RBKS: variants seen among roughly 807,000 people sequenced by gnomAD.
The protein encoded by RBKS is ribokinase.
A neutral mutation model predicts 33.9 loss-of-function variants in RBKS; 33 were observed. The ratio of observed to expected loss-of-function variants is 0.97; its 90% CI spans 0.74 to 1.30. The LOEUF is 1.30. Among genes scored for constraint, RBKS ranks in the 50% most tolerant of loss-of-function variants. The pLI is 0.00. For synonymous variants in RBKS, 125 were observed against 143.0 expected, an observed-to-expected ratio of 0.87 and a Z score of 0.90; for missense variants, 361 against 392.6, an observed-to-expected ratio of 0.92 and a Z score of 0.68.
chr2:27,880,617 C>T (rs750995670), intron 1 of RBKS, among the ~76,000 whole-genome samples: 5 of 152,144 alleles, frequency 3.3e-5, no homozygotes, highest in Non-Finnish European at 7.4e-5. Context: ...TTCCTATACA[C>T]CAAGAGTCAA....
chr2:27,858,364 A>G (rs1663901233), intron 2 of RBKS, 75 bp downstream of exon 2: 11 of 1,484,600 alleles, frequency 7.4e-6, no homozygotes, highest in Non-Finnish European at 1.0e-5. Flanking sequence ...GGTTGAAAAA[A>G]TTAAAAACAA....
Position 27,783,861 on chromosome 2 carries a change from T to C in RBKS, c.796-2073A>G, listed in dbSNP as rs189031770. ...GGTGGAGCTTGCAGTGAGCTGAGAT[T>C]GTGCCACTGCACTCCAGCCTGGGCG... On this transcript the variant is annotated intron_variant, in intron 7 of 7. Transcript: ENST00000302188. Among the ~76,000 whole-genome samples the C allele has an allele frequency of 2.7e-3, 380 of 139,812 alleles. 1 individual carries two copies. Among genetic ancestry groups the C allele is most frequent in the African/African-American group, 7.9e-3 (290 of 36,868 alleles). 91.7% of individuals were successfully genotyped at this position (139,812 alleles called of 152,430 possible).
In RBKS at chr2:27,843,071, A is replaced by G; in HGVS notation, c.510T>C (p.Ser170=). Residue 170 remains serine, a synonymous_variant, in exon 5 of 8, where the codon AGT becomes AGC. Coordinates refer to ENST00000302188, the MANE Select transcript of RBKS (RefSeq NM_022128.3). ...ATGACAAATATGTATAATTACCTCC[A>G]CTCCTGCGGGCCATTGTTAGGGCTT... ...SLEALTMARR[S]GVKTLFNPAP... is the part of the protein sequence containing the mutation. 6.3e-7 allele frequency: 1 copy of G among 1,577,120 alleles called. No homozygotes were observed. The highest frequency in any genetic ancestry group is 8.6e-7 in the Non-Finnish European group (1 of 1,161,834).
At position 27,796,873 on chromosome 2, in the gene RBKS, C is replaced by T. The variant is rs189965782; in HGVS notation, c.796-15085G>A. On this transcript the variant is annotated intron_variant, in intron 7 of 7. Coordinates refer to ENST00000302188, the MANE Select transcript of RBKS (RefSeq NM_022128.3). ...CTGGTTTCTTATTTCCCTTCCCCTC[C>T]GTTTCAGACAATCCTGTCTGTCCAT... Among the ~76,000 whole-genome samples, 174 of 152,292 alleles carry T rather than the reference C, an allele frequency of 1.1e-3. 2 individuals carry two copies. The East Asian group carries it at 0.025, about 21-fold the overall frequency.
intron 7 of RBKS, among the ~76,000 whole-genome samples, chr2:27,822,778 T>C (rs557159374): frequency 6.6e-6 from 1 of 152,312 alleles, no homozygotes; most frequent in African/African-American, 2.4e-5. Context: ...ATAGGAAAGA[T>C]AAATTCCCTG....
rs965028987 is a variant in RBKS, at chr2:27,795,896, G to A, written c.796-14108C>T. On this transcript the variant is annotated intron_variant, in intron 7 of 7. Coordinates refer to ENST00000302188, the MANE Select transcript of RBKS (RefSeq NM_022128.3). This position sits in a 1 kb window ranked among gnomAD's most constrained non-coding sequence, Gnocchi z 4.1. ...ACAAGCCTTCGCTCTGGGACAATCT[G>A]AACTCTCTTTAGGGCAGGGACTACT... is the stretch of plus-strand genomic sequence containing the variant. Among the ~76,000 whole-genome samples the A allele has an allele frequency of 1.2e-4, 18 of 152,178 alleles. No homozygotes were observed. The highest frequency in any genetic ancestry group is 4.1e-4 in the African/African-American group (17 of 41,422).
intron 5 of RBKS, among the ~76,000 whole-genome samples, chr2:27,840,335 C>G (rs1044316781): frequency 1.5e-5 from 2 of 133,200 alleles, no homozygotes; most frequent in African/African-American, 6.7e-5. Flanking sequence ...ATTACACACA[C>G]ACACACACAC....
At chr2:27,867,797 G>C (rs944745628) in intron 1 of RBKS, among the ~76,000 whole-genome samples, 18 of 152,118 alleles carry the variant, frequency 1.2e-4, no homozygotes, top group African/African-American at 4.3e-4. Context: ...TATGTATAGG[G>C]GATTAGGAAG....
intron 7 of RBKS, among the ~76,000 whole-genome samples, chr2:27,796,618 T>C (rs1419973205): frequency 6.6e-6 from 1 of 151,752 alleles, no homozygotes; most frequent in African/African-American, 2.4e-5. Context: ...ACAGGAAAAC[T>C]GGCCCCATGG....
rs1663657908 is a variant in RBKS, at chr2:27,848,084, G to T, written c.236C>A (p.Ser79Tyr). ...GTTTTCTATATAATCATTGCCAAAA[G>T]AATCTTTGCCAACCTGTACCAAAGA... Reference protein sequence around the residue: ...TSMVCKVGKDSFGNDYIENLK... With the variant: ...TSMVCKVGKDYFGNDYIENLK... Residue 79 changes from serine to tyrosine, a missense_variant, in exon 3 of 8, where the codon TCT becomes TAT. By Grantham distance (144) the Ser-to-Tyr change is moderately radical. Transcript: ENST00000302188. 6.7e-7 allele frequency: 1 copy of T among 1,500,880 alleles called. No individual in the cohort carries two copies. The highest frequency in any genetic ancestry group is 2.3e-5 in the East Asian group (1 of 43,976). The allele number at this position is 1,500,880 out of a possible 1,614,324, so 93.0% of individuals were successfully genotyped here.
chr2:27,821,040 CAAAA>C (rs59964452), intron 7 of RBKS, among the ~76,000 whole-genome samples: 6,403 of 68,168 alleles, frequency 0.094, 363 homozygotes, highest in African/African-American at 0.27. Context: ...AACTCCATCT[CAAAA>C]AAAAAAAAAA....
intron 5 of RBKS, among the ~76,000 whole-genome samples, chr2:27,840,894 T>C (rs72810531): frequency 0.015 from 2,354 of 152,246 alleles, 32 homozygotes; most frequent in South Asian, 0.054. Flanking sequence ...TGTCATAAGG[T>C]TTTTCTGAGG....
At chr2:27,793,237 G>A (rs1677571739) in intron 7 of RBKS, among the ~76,000 whole-genome samples, 1 of 152,182 alleles carries the variant, frequency 6.6e-6, no homozygotes. Flanking sequence ...AACAATCATA[G>A]TGCTGTCTGA....
intron 7 of RBKS, among the ~76,000 whole-genome samples, chr2:27,789,949 G>GTATATA (rs35109548): frequency 0.04 from 4,888 of 121,362 alleles, 175 homozygotes; most frequent in East Asian, 0.18. Flanking sequence ...ATGTATATGT[G>GTATATA]TATATATATA....
intron 5 of RBKS, among the ~76,000 whole-genome samples, chr2:27,833,235 T>C (rs950662985): frequency 2.6e-5 from 4 of 152,154 alleles, no homozygotes; most frequent in Admixed American, 2.0e-4. Context: ...AATGAAAGGT[T>C]CAGAATTCTC....
At chr2:27,805,018 A>G (rs552626560) in intron 7 of RBKS, among the ~76,000 whole-genome samples, 254 of 152,214 alleles carry the variant, frequency 1.7e-3, no homozygotes, top group Non-Finnish European at 3.1e-3. Flanking sequence ...GTCTTAAAAA[A>G]AAAAAAAAAT....
In RBKS at chr2:27,827,726, GC is replaced by G; in HGVS notation, c.635del (p.Gly212AlafsTer11). 1 of 1,606,560 alleles carries G rather than the reference GC, an allele frequency of 6.2e-7. No homozygotes were observed. The highest frequency in any genetic ancestry group is 8.5e-7 in the Non-Finnish European group (1 of 1,177,468). On this transcript the variant is annotated frameshift_variant, in exon 7 of 8. Transcript: ENST00000302188. LOFTEE classifies it high-confidence loss of function. Reference protein sequence around the residue: ...EAEILTGLTVGSAADAGEAAL... With the variant: ...EAEILTGLTVXSAADAGEAAL... Reference sequence around the variant, plus strand: ...CAGCCTCCCCAGCATCTGCAGCGCTGCCCACCGTGAGGCCAGTTAAAATCTC... The same window carrying G: ...CAGCCTCCCCAGCATCTGCAGCGCTGCCACCGTGAGGCCAGTTAAAATCTC...
At chr2:27,870,364 C>T (rs1157193751) in intron 1 of RBKS, 4 of 160,786 alleles carry the variant, frequency 2.5e-5, no homozygotes, top group African/African-American at 4.8e-5. Flanking sequence ...ACAAGGAAGC[C>T]AGGTTTGCAA....
At chr2:27,827,934 T>A (rs1678347283) in intron 6 of RBKS, among the ~76,000 whole-genome samples, 179 bp from the exon 7 acceptor site, 1 of 152,138 alleles carries the variant, frequency 6.6e-6, no homozygotes, top group African/African-American at 2.4e-5. Context: ...ACAAAAACCA[T>A]CAATGAAAGA....
Sources: allele counts gnomAD v4.1 joint callset (sites outside exome capture counted in the v4.1 genomes callset), GRCh38; gene constraint gnomAD v4.1.1; non-coding constraint Gnocchi (gnomAD v3.1); transcripts MANE v1.5; gene names NCBI Gene and HGNC (gene_info 2026-07-23, HGNC 2026-07-21).